B3GALT1: variants seen among roughly 807,000 people sequenced by gnomAD.
The protein encoded by B3GALT1 is UDP-Gal:betaGlcNAc beta 1,3-galactosyltransferase, polypeptide 1.
B3GALT1 carries 10 observed loss-of-function variants against 23.2 expected under a neutral mutation model. The observed-to-expected ratio is 0.43, with a 90% CI of 0.27 to 0.73. B3GALT1 has a LOEUF of 0.73. Among genes scored for constraint, B3GALT1 ranks in the 30% least tolerant of loss-of-function variants. The pLI is 0.21. For synonymous variants in B3GALT1, 156 were observed against 141.5 expected (o/e 1.10, Z -0.73); for missense variants, 299 against 405.4 (o/e 0.74, Z 2.25).
At chr2:167,744,172 C>T (rs192507655) in intron 3 of B3GALT1, among the ~76,000 whole-genome samples, 40 of 152,190 alleles carry the variant, frequency 2.6e-4, no homozygotes, top group African/African-American at 8.7e-4. Flanking sequence ...TTAAATGCCT[C>T]ATGTTTCTTG....
intron 1 of B3GALT1, among the ~76,000 whole-genome samples, chr2:167,298,210 C>T (rs1406782865): frequency 2.0e-5 from 3 of 152,094 alleles, no homozygotes. Context: ...GATTCTGCAA[C>T]TTCCTCTATG....
chr2:167,715,331 G>C (rs1308325163), intron 3 of B3GALT1: 5 of 1,613,778 alleles, frequency 3.1e-6, no homozygotes, highest in Non-Finnish European at 4.2e-6. Context: ...GTCTTCAAAT[G>C]TTATTTTCTG....
chr2:167,704,184 A>C (rs1022559906), intron 3 of B3GALT1, among the ~76,000 whole-genome samples: 3 of 3,364 alleles, frequency 8.9e-4, no homozygotes, highest in Non-Finnish European at 7.2e-3. Context: ...CAGTCTCAAC[A>C]AAAAAAAAAA....
intron 1 of B3GALT1, among the ~76,000 whole-genome samples, chr2:167,333,600 A>G (rs1330506322): frequency 2.6e-5 from 4 of 152,196 alleles, no homozygotes; most frequent in Non-Finnish European, 5.9e-5. Flanking sequence ...TTCTACCCAC[A>G]TTGAAACTAC....
Position 167,715,866 on chromosome 2 carries a change from C to CT in B3GALT1, c.-352+68901dup, listed in dbSNP as rs1197973760. On this transcript the variant is annotated intron_variant, in intron 3 of 4. Coordinates refer to ENST00000392690, the MANE Select transcript of B3GALT1 (RefSeq NM_020981.4). ...CTCTCTTCCCACATAAAGCCGACTC[C>CT]TAACCGATCTAAAACTTCTCCACAA... 9 of 1,613,764 alleles carry CT rather than the reference C, an allele frequency of 5.6e-6. No individual in the cohort carries two copies. In the African/African-American group the frequency reaches 1.2e-4, roughly 22 times the overall value.
At chr2:167,856,486 G>A (rs774989109) in intron 4 of B3GALT1, among the ~76,000 whole-genome samples, 1 of 152,106 alleles carries the variant, frequency 6.6e-6, no homozygotes, top group African/African-American at 2.4e-5. Context: ...ATAAGCACTG[G>A]TTTGGAGGCT....
chr2:167,533,582 TG>T (rs529863800), intron 2 of B3GALT1, among the ~76,000 whole-genome samples: 59 of 152,340 alleles, frequency 3.9e-4, no homozygotes, highest in African/African-American at 1.3e-3. Context: ...TATGTGTCCC[TG>T]ATGATGAGGG....
At chr2:167,688,216 G>GA (rs1686648253) in intron 3 of B3GALT1, among the ~76,000 whole-genome samples, 1 of 151,878 alleles carries the variant, frequency 6.6e-6, no homozygotes, top group African/African-American at 2.4e-5. Context: ...TCCCTTATAT[G>GA]AAAAAGAGGA....
At chr2:167,789,720 T>A (rs1688401839) in intron 3 of B3GALT1, among the ~76,000 whole-genome samples, 1 of 152,106 alleles carries the variant, frequency 6.6e-6, no homozygotes, top group African/African-American at 2.4e-5. Flanking sequence ...TTATTGTAGA[T>A]CCCTCCAGAG....
At chr2:167,523,511 C>T (rs779229511) in intron 2 of B3GALT1, among the ~76,000 whole-genome samples, 3 of 151,810 alleles carry the variant, frequency 2.0e-5, no homozygotes, top group East Asian at 1.9e-4. Flanking sequence ...CTGCAACTTC[C>T]GCGTCCCACG....
chr2:167,715,816 A>G (rs1215927098), intron 3 of B3GALT1: 4 of 1,613,758 alleles, frequency 2.5e-6, no homozygotes, highest in Admixed American at 1.7e-5. Context: ...CAATTAGTCC[A>G]GAAAGCATTT....
intron 3 of B3GALT1, among the ~76,000 whole-genome samples, chr2:167,805,981 G>T (rs1325794787): frequency 1.3e-5 from 2 of 151,792 alleles, no homozygotes; most frequent in Non-Finnish European, 2.9e-5. Flanking sequence ...TCTTCCATTT[G>T]TTTGTATCCT....
chr2:167,672,134 A>T (rs980603397), intron 3 of B3GALT1, among the ~76,000 whole-genome samples: 2 of 152,084 alleles, frequency 1.3e-5, no homozygotes, highest in Non-Finnish European at 2.9e-5. Flanking sequence ...TATTTGAAAA[A>T]TTTTAACCTG....
chr2:167,835,580 C>T (rs1448104432), intron 4 of B3GALT1, among the ~76,000 whole-genome samples: 4 of 152,240 alleles, frequency 2.6e-5, no homozygotes, highest in Non-Finnish European at 5.9e-5. Flanking sequence ...CTGCCTGCCT[C>T]TGTAGGCTCC....
chr2:167,504,645 C>T (rs1465756701), intron 2 of B3GALT1, among the ~76,000 whole-genome samples: 6 of 143,626 alleles, frequency 4.2e-5, no homozygotes, highest in Non-Finnish European at 9.3e-5. Flanking sequence ...CAGTCATACA[C>T]TGCATGACAG....
intron 2 of B3GALT1, among the ~76,000 whole-genome samples, chr2:167,642,014 G>T (rs1476742185): frequency 2.0e-5 from 3 of 152,138 alleles, no homozygotes; most frequent in East Asian, 3.9e-4. Context: ...CAGAGGTTCT[G>T]TTCTCCATGA....
intron 3 of B3GALT1, among the ~76,000 whole-genome samples, chr2:167,723,146 G>A (rs1687259350): frequency 6.6e-6 from 1 of 152,144 alleles, no homozygotes; most frequent in Admixed American, 6.5e-5. Context: ...GAACTTCATA[G>A]CAAATATAGT....
intron 2 of B3GALT1, among the ~76,000 whole-genome samples, chr2:167,614,613 T>A (rs544077556): frequency 6.6e-6 from 1 of 152,108 alleles, no homozygotes; most frequent in African/African-American, 2.4e-5. Context: ...AGTAGGCTCA[T>A]TAAAATGTAT....
intron 1 of B3GALT1, among the ~76,000 whole-genome samples, chr2:167,421,203 T>A (rs1559091436): frequency 1.3e-5 from 2 of 152,220 alleles, no homozygotes; most frequent in Non-Finnish European, 2.9e-5. Context: ...TGTAAATTAA[T>A]TAAACTTAGA....
Sources: allele counts gnomAD v4.1 joint callset (sites outside exome capture counted in the v4.1 genomes callset), GRCh38; gene constraint gnomAD v4.1.1; transcripts MANE v1.5; gene names NCBI Gene and HGNC (gene_info 2026-07-23, HGNC 2026-07-21).